Variants in DMD observed in about 807,000 individuals in gnomAD.
The protein encoded by DMD is mutant dystrophin.
In DMD, 63 loss-of-function variants were observed where a neutral mutation model predicts 330.1. That is an observed-to-expected ratio of 0.19 (90% confidence interval 0.16 to 0.24). DMD has a LOEUF of 0.24. Among genes scored for constraint, DMD ranks in the 10% least tolerant of loss-of-function variants. DMD has a pLI of 1.00. For missense variants in DMD, 3,344 were observed against 2,684.1 expected (o/e 1.25, Z -5.43); for synonymous variants, 1,223 against 959.8 (o/e 1.27, Z -5.07).
chrX:32,782,687 T>C (rs1219814786), intron 7 of DMD, among the ~76,000 whole-genome samples: 2 of 110,519 alleles, frequency 1.8e-5, no homozygotes, highest in Non-Finnish European at 1.9e-5. Context: ...CAAATTCAAA[T>C]AACCTCTGAT....
chrX:32,444,455 A>G (rs2098295378), intron 27 of DMD, among the ~76,000 whole-genome samples: 1 of 111,151 alleles, frequency 9.0e-6, no homozygotes, highest in South Asian at 3.7e-4. Flanking sequence ...TACTAGCCAC[A>G]TGGGGAAATT....
chrX:31,807,644 T>G (rs1454088420), intron 50 of DMD, among the ~76,000 whole-genome samples: 1 of 112,272 alleles, frequency 8.9e-6, no homozygotes, highest in African/African-American at 3.2e-5. Flanking sequence ...TCAAAGGTAC[T>G]ACTACTTAAG....
intron 60 of DMD, among the ~76,000 whole-genome samples, chrX:31,428,454 A>T (rs1450702350): frequency 8.9e-6 from 1 of 111,947 alleles, no homozygotes; most frequent in Non-Finnish European, 1.9e-5. Flanking sequence ...GAGCCAATGA[A>T]ATCTCTTTTC....
intron 55 of DMD, among the ~76,000 whole-genome samples, chrX:31,546,886 C>T (rs1569550689): frequency 8.9e-6 from 1 of 112,239 alleles, no homozygotes; most frequent in East Asian, 2.8e-4. Flanking sequence ...ATTCTTAATA[C>T]GTGAATGAAT....
chrX:32,466,668 A>T (rs375135829), intron 23 of DMD, among the ~76,000 whole-genome samples: 85 of 111,642 alleles, frequency 7.6e-4, no homozygotes, highest in African/African-American at 2.5e-3. Flanking sequence ...AAGGAGAGGT[A>T]GAAAGAGAGG....
At chrX:33,283,730 C>T (rs1003239889) in intron 1 of DMD, among the ~76,000 whole-genome samples, 6 of 110,108 alleles carry the variant, frequency 5.4e-5, no homozygotes, top group African/African-American at 1.3e-4. Context: ...ATGAAAACAT[C>T]TGTCGAGGCC....
intron 1 of DMD, among the ~76,000 whole-genome samples, chrX:33,051,164 A>T (rs748054448): frequency 9.3e-6 from 1 of 107,282 alleles, no homozygotes; most frequent in African/African-American, 3.4e-5. Flanking sequence ...GATAACACAC[A>T]CTTTTTTAGC....
chrX:33,075,971 A>C (rs992417453), intron 1 of DMD, among the ~76,000 whole-genome samples: 15 of 112,004 alleles, frequency 1.3e-4, no homozygotes, highest in Non-Finnish European at 2.6e-4. Context: ...TCATGCAGCT[A>C]GAGACTACAA....
chrX:32,789,838 T>TA (rs1432018347), intron 7 of DMD, among the ~76,000 whole-genome samples: 1 of 112,196 alleles, frequency 8.9e-6, no homozygotes, highest in East Asian at 2.8e-4. Flanking sequence ...TCACTGATGA[T>TA]AAATTAGAAA....
At chrX:32,543,605 A>G (rs986504213) in intron 17 of DMD, among the ~76,000 whole-genome samples, 2 of 112,368 alleles carry the variant, frequency 1.8e-5, no homozygotes, top group Middle Eastern at 9.1e-3. Context: ...AAGTTAATGT[A>G]CATCTTACTA....
Position 31,351,376 on chromosome X carries a change from T to C in DMD, c.9085-2742A>G, listed in dbSNP as rs188969990. Reference sequence around the variant, plus strand: ...ATTTAGCCTAGTTTCTGTCACGTGGTAATTGCTCAATAAATGTTACCAGCT... The same window carrying C: ...ATTTAGCCTAGTTTCTGTCACGTGGCAATTGCTCAATAAATGTTACCAGCT... On this transcript the variant is annotated intron_variant, in intron 60 of 78. Transcript: ENST00000357033. Among the ~76,000 whole-genome samples the C allele has an allele frequency of 9.0e-5, 10 of 110,644 alleles. No individual in the cohort carries two copies. In the East Asian group the frequency reaches 2.8e-3, roughly 31 times the overall value.
At chrX:32,351,307 T>C (rs1431584021) in intron 37 of DMD, among the ~76,000 whole-genome samples, 1 of 110,709 alleles carries the variant, frequency 9.0e-6, no homozygotes, top group African/African-American at 3.3e-5. Context: ...CTTATTGATA[T>C]AATGAGTCTT....
At chrX:31,162,275 C>T (rs16998130) in intron 74 of DMD, among the ~76,000 whole-genome samples, 15,797 of 101,271 alleles carry the variant, frequency 0.16, 2,395 homozygotes, top group African/African-American at 0.46. Flanking sequence ...TAAAGAAACT[C>T]ATGACCATAA....
At chrX:32,365,998 C>CA (rs2147269639) in intron 34 of DMD, among the ~76,000 whole-genome samples, 1 of 111,847 alleles carries the variant, frequency 8.9e-6, no homozygotes, top group South Asian at 3.8e-4. Context: ...TAATTGAATA[C>CA]AAATAAAGAT....
chrX:33,304,817 T>C (rs2053728552), intron 1 of DMD, among the ~76,000 whole-genome samples: 1 of 102,712 alleles, frequency 9.7e-6, no homozygotes, highest in Non-Finnish European at 2.0e-5. Flanking sequence ...CATGAAAAAA[T>C]GCTCATCATC....
chrX:31,501,585 T>C (rs2070416149), intron 56 of DMD, among the ~76,000 whole-genome samples: 1 of 111,761 alleles, frequency 8.9e-6, no homozygotes, highest in Admixed American at 9.5e-5. Context: ...CTGGAGTATA[T>C]TGCTTGGTCT....
intron 44 of DMD, among the ~76,000 whole-genome samples, chrX:32,101,602 C>T (rs1368704856): frequency 9.0e-6 from 1 of 111,729 alleles, no homozygotes; most frequent in Admixed American, 9.6e-5. Flanking sequence ...TTTCCCATTT[C>T]TTGAAAAGAA....
intron 1 of DMD, among the ~76,000 whole-genome samples, chrX:33,104,052 A>G (rs1186447747): frequency 8.9e-6 from 1 of 111,872 alleles, no homozygotes; most frequent in Admixed American, 9.5e-5. Flanking sequence ...TTTTAGCAAA[A>G]GAAAAATTGA....
At chrX:32,585,699 CAAAAAAAAAAAAAAAAAAAAAAA>C (rs61394183) in intron 13 of DMD, among the ~76,000 whole-genome samples, 3 of 31,919 alleles carry the variant, frequency 9.4e-5, no homozygotes, top group Non-Finnish European at 1.1e-4. Context: ...GACTCCGTCT[CAAAAAAAAAAAAAAAAAAAAAAA>C]AAAAAAAAGA....
Sources: gnomAD v4.1 joint callset for allele counts (sites outside exome capture counted in the v4.1 genomes callset) on GRCh38, gnomAD v4.1.1 for gene constraint, MANE v1.5 for transcripts, NCBI Gene and HGNC (gene_info 2026-07-23, HGNC 2026-07-21) for gene names.